Variants in PCDH11X observed in about 807,000 individuals in gnomAD.
The protein encoded by PCDH11X is protocadherin 11 X-linked.
A neutral mutation model predicts 53.3 loss-of-function variants in PCDH11X; 18 were observed. The ratio of observed to expected loss-of-function variants is 0.34; its 90% CI spans 0.23 to 0.50. PCDH11X has a LOEUF of 0.50. Among genes scored for constraint, PCDH11X ranks in the 20% least tolerant of loss-of-function variants. The probability of loss-of-function intolerance (pLI) is 0.98; values close to 1 mark genes in which losing one functional copy is unlikely to be tolerated. For synonymous variants in PCDH11X, 279 were observed against 393.3 expected (o/e 0.71, Z 3.44); for missense variants, 570 against 1,032.4 (o/e 0.55, Z 6.14).
At chrX:91,855,811 G>A (rs1002282916) in intron 5 of PCDH11X, among the ~76,000 whole-genome samples, 1 of 111,181 alleles carries the variant, frequency 9.0e-6, no homozygotes, top group Non-Finnish European at 1.9e-5. Flanking sequence ...GTCGCTGTTG[G>A]CATATAGAAG....
intron 6 of PCDH11X, among the ~76,000 whole-genome samples, chrX:91,919,235 T>C (rs1259330321): frequency 9.0e-6 from 1 of 111,412 alleles, no homozygotes; most frequent in East Asian, 2.8e-4. Context: ...TCACTACCAA[T>C]TGCCTGTTTA....
intron 10 of PCDH11X, among the ~76,000 whole-genome samples, chrX:92,575,905 GTATATATA>G (rs58574424): frequency 3.2e-3 from 81 of 25,709 alleles, no homozygotes; most frequent in East Asian, 6.9e-3. Context: ...TACCTGGTGT[GTATATATA>G]TATATATATA....
intron 6 of PCDH11X, among the ~76,000 whole-genome samples, chrX:91,928,328 G>A (rs1435843559): frequency 3.6e-5 from 4 of 109,876 alleles, no homozygotes; most frequent in Admixed American, 9.8e-5. Context: ...GAAGATTATC[G>A]TTTAGTCATA....
chrX:91,884,971 T>G (rs1421927858), intron 6 of PCDH11X, among the ~76,000 whole-genome samples: 1 of 108,982 alleles, frequency 9.2e-6, no homozygotes, highest in Non-Finnish European at 1.9e-5. Context: ...ATTAGTGTAA[T>G]TCTTGGATAT....
chrX:92,198,029 T>C (rs1223913611), intron 6 of PCDH11X, among the ~76,000 whole-genome samples: 1 of 110,013 alleles, frequency 9.1e-6, no homozygotes, highest in Non-Finnish European at 1.9e-5. Context: ...TTTCTTACCA[T>C]TAGGTTTGAG....
chrX:92,024,736 A>C (rs1222458970), intron 6 of PCDH11X, among the ~76,000 whole-genome samples: 1 of 102,860 alleles, frequency 9.7e-6, no homozygotes, highest in African/African-American at 3.7e-5. Flanking sequence ...AAAAAAAAAA[A>C]ACAAAACAAA....
At chrX:92,073,613 C>T (rs999263483) in intron 6 of PCDH11X, among the ~76,000 whole-genome samples, 6 of 112,029 alleles carry the variant, frequency 5.4e-5, no homozygotes, top group African/African-American at 1.9e-4. Context: ...AAGCTGGAGG[C>T]AATGGAAGAG....
chrX:92,375,516 T>G (rs1402274426), intron 8 of PCDH11X, among the ~76,000 whole-genome samples: 1 of 106,826 alleles, frequency 9.4e-6, no homozygotes, highest in Non-Finnish European at 1.9e-5. Context: ...TATGTTTATA[T>G]GTATTTTCAA....
intron 9 of PCDH11X, among the ~76,000 whole-genome samples, chrX:92,446,912 G>A (rs2072664569): frequency 9.0e-6 from 1 of 111,604 alleles, no homozygotes; most frequent in Non-Finnish European, 1.9e-5. Context: ...TAAAGTCCAG[G>A]CTGAGGTGGT....
intron 1 of PCDH11X, among the ~76,000 whole-genome samples, chrX:91,790,740 C>A (rs1276858770): frequency 3.6e-5 from 4 of 110,909 alleles, no homozygotes; most frequent in African/African-American, 1.3e-4. Context: ...AACTTTCATT[C>A]ATTATTAGTT....
At chrX:92,139,693 T>G (rs1288123249) in intron 6 of PCDH11X, among the ~76,000 whole-genome samples, 1 of 111,957 alleles carries the variant, frequency 8.9e-6, no homozygotes, top group Admixed American at 9.6e-5. Context: ...AGATAATCTA[T>G]GCAGTGTTGC....
intron 6 of PCDH11X, among the ~76,000 whole-genome samples, chrX:92,020,035 G>A (rs1460313853): frequency 2.7e-5 from 3 of 112,302 alleles, no homozygotes; most frequent in Non-Finnish European, 3.8e-5. Flanking sequence ...CTGGGAAACC[G>A]TGCTTTTCCA....
At chrX:91,836,156 A>C (rs1234914401) in intron 5 of PCDH11X, 112 bp downstream of exon 5, 10 of 880,879 alleles carry the variant, frequency 1.1e-5, no homozygotes, top group Non-Finnish European at 1.4e-5. Flanking sequence ...AATTTTTCAA[A>C]ATTTATGTAA....
chrX:92,427,530 C>A (rs1259671727), intron 9 of PCDH11X, among the ~76,000 whole-genome samples: 1 of 52,302 alleles, frequency 1.9e-5, no homozygotes. Context: ...GATTTAACAC[C>A]TCTGATCCTT....
chrX:92,475,082 G>A (rs1461138267), intron 10 of PCDH11X, among the ~76,000 whole-genome samples: 11 of 94,349 alleles, frequency 1.2e-4, no homozygotes, highest in Admixed American at 3.7e-4. Flanking sequence ...GGAGAATGGC[G>A]TGAACCCGGG....
intron 6 of PCDH11X, among the ~76,000 whole-genome samples, chrX:92,031,169 T>C (rs113902866): frequency 0.039 from 4,374 of 111,198 alleles, 218 homozygotes; most frequent in African/African-American, 0.14. Context: ...ACTTTAGATA[T>C]TTCCTTTTAA....
At chrX:92,315,795 C>G (rs1300666590) in intron 8 of PCDH11X, among the ~76,000 whole-genome samples, 1 of 109,695 alleles carries the variant, frequency 9.1e-6, no homozygotes, top group African/African-American at 3.3e-5. Context: ...CTTGGCCTCC[C>G]AAAGTGCTGG....
At chrX:92,539,656 T>C (rs1345558332) in intron 10 of PCDH11X, among the ~76,000 whole-genome samples, 1 of 111,896 alleles carries the variant, frequency 8.9e-6, no homozygotes, top group Non-Finnish European at 1.9e-5. Flanking sequence ...TGATTGCTTA[T>C]GGACATTCAT....
intron 6 of PCDH11X, among the ~76,000 whole-genome samples, chrX:92,182,131 A>T (rs1439548360): frequency 1.8e-5 from 2 of 112,277 alleles, no homozygotes; most frequent in African/African-American, 6.5e-5. Context: ...GACCATGGGA[A>T]CCCACTTCTT....
Sources: gnomAD v4.1 joint callset for allele counts (sites outside exome capture counted in the v4.1 genomes callset) on GRCh38, gnomAD v4.1.1 for gene constraint, MANE v1.5 for transcripts, NCBI Gene and HGNC (gene_info 2026-07-23, HGNC 2026-07-21) for gene names.